Variants in MAML2 observed in about 807,000 individuals in gnomAD.
MAML2 encodes the protein mastermind like transcriptional coactivator 2.
A neutral mutation model predicts 96.1 loss-of-function variants in MAML2; 22 were observed. The ratio of observed to expected loss-of-function variants is 0.23; its 90% CI spans 0.16 to 0.33. The LOEUF (loss-of-function observed/expected upper bound fraction) is 0.33, where lower values mean the gene tolerates loss of function less well. Ranked by LOEUF, MAML2 falls within the 10% of genes least tolerant of loss-of-function variation. MAML2 has a pLI of 1.00. For missense variants in MAML2, 1,367 were observed against 1,392.4 expected (o/e 0.98, Z 0.29); for synonymous variants, 561 against 521.3 (o/e 1.08, Z -1.04).
In MAML2 at chr11:96,326,589, G is replaced by A. The variant is rs1219295132; in HGVS notation, c.513+14794C>T. 5.9e-5 allele frequency among the ~76,000 whole-genome samples: 9 copies of A among 151,954 alleles called. No individual in the cohort carries two copies. In the East Asian group the frequency reaches 1.7e-3, roughly 29 times the overall value. On this transcript the variant is annotated intron_variant, in intron 1 of 4. Transcript: ENST00000524717. The stretch of plus-strand genomic sequence containing the variant: ...AGGCGGGTGGATCACGAGGTCAGGA[G>A]TTCGAGACCAGCCTGGCAAACATGG...
chr11:96,229,190 T>A (rs539157867), intron 1 of MAML2, among the ~76,000 whole-genome samples: 1 of 152,024 alleles, frequency 6.6e-6, no homozygotes, highest in South Asian at 2.1e-4. Context: ...ATTTCTCAGA[T>A]AAGTCAAGAG....
intron 2 of MAML2, among the ~76,000 whole-genome samples, chr11:96,067,038 G>C (rs1859255964): frequency 6.6e-6 from 1 of 152,184 alleles, no homozygotes; most frequent in African/African-American, 2.4e-5. Context: ...GATCTTGTAG[G>C]GCCTGTGAGG....
intron 2 of MAML2, among the ~76,000 whole-genome samples, chr11:96,053,943 G>T (rs990082322): frequency 6.6e-5 from 10 of 152,110 alleles, no homozygotes; most frequent in African/African-American, 2.2e-4. Context: ...AAATGGAGCT[G>T]ACAACTTGGG....
intron 1 of MAML2, among the ~76,000 whole-genome samples, chr11:96,264,466 G>A (rs985612687): frequency 6.6e-5 from 10 of 152,118 alleles, no homozygotes; most frequent in South Asian, 2.1e-4. Context: ...TATGTTTTAC[G>A]GCTGGACTTG....
intron 1 of MAML2, among the ~76,000 whole-genome samples, chr11:96,239,416 A>G (rs1862403651): frequency 1.3e-5 from 2 of 152,222 alleles, no homozygotes; most frequent in African/African-American, 2.4e-5. Flanking sequence ...TAGAAAGCCT[A>G]TGGCTATTTT....
chr11:95,977,238 T>C lies in MAML2; in HGVS notation c.*1710A>G, dbSNP rs1565407410. 1 of 184,882 alleles carries C rather than the reference T, an allele frequency of 5.4e-6. No homozygotes were observed. Among genetic ancestry groups the C allele is most frequent in the Non-Finnish European group, 1.1e-5 (1 of 87,232 alleles). 11.5% of individuals were successfully genotyped at this position (184,882 alleles called of 1,614,324 possible). Reference sequence around the variant, plus strand: ...ATAGTATATTTATTTCACATATGTATAAATATAACCCAAAGAATATGTTTG... The same window carrying C: ...ATAGTATATTTATTTCACATATGTACAAATATAACCCAAAGAATATGTTTG... On this transcript the variant is annotated 3_prime_UTR_variant, in exon 5 of 5. Coordinates refer to ENST00000524717, the MANE Select transcript of MAML2 (RefSeq NM_032427.4).
intron 1 of MAML2, among the ~76,000 whole-genome samples, chr11:96,336,828 G>C (rs1052776763): frequency 6.6e-6 from 1 of 152,112 alleles, no homozygotes; most frequent in Non-Finnish European, 1.5e-5. Context: ...AAACATATTG[G>C]TATTTAAAAA....
chr11:96,269,897 C>T (rs1862891042), intron 1 of MAML2, among the ~76,000 whole-genome samples: 1 of 144,082 alleles, frequency 6.9e-6, no homozygotes, highest in Non-Finnish European at 1.5e-5. Context: ...TTTCTATCCC[C>T]TTGACCTCTA....
At chr11:96,037,236 C>T (rs1374090800) in intron 2 of MAML2, among the ~76,000 whole-genome samples, 1 of 152,086 alleles carries the variant, frequency 6.6e-6, no homozygotes, top group African/African-American at 2.4e-5. Context: ...TGCAGTTTCC[C>T]TGCTGCCTTT....
At chr11:96,116,564 T>A (rs1232028061) in intron 1 of MAML2, among the ~76,000 whole-genome samples, 1 of 152,182 alleles carries the variant, frequency 6.6e-6, no homozygotes, top group African/African-American at 2.4e-5. Flanking sequence ...GGTTTTGTAC[T>A]CAACTGCTAA....
At chr11:96,339,279 C>T (rs1240130787) in intron 1 of MAML2, among the ~76,000 whole-genome samples, 2 of 152,184 alleles carry the variant, frequency 1.3e-5, no homozygotes, top group Non-Finnish European at 2.9e-5. Flanking sequence ...CAGCAGTAAG[C>T]TTTCAGTCGG....
intron 2 of MAML2, among the ~76,000 whole-genome samples, chr11:96,053,624 G>GC (rs1343438488): frequency 1.6e-5 from 2 of 125,042 alleles, no homozygotes; most frequent in African/African-American, 8.0e-5. Flanking sequence ...TTAATGGGAT[G>GC]GGGGGGTGAC....
chr11:96,251,792 C>T (rs182364746), intron 1 of MAML2, among the ~76,000 whole-genome samples: 4,891 of 150,116 alleles, frequency 0.033, 106 homozygotes, highest in South Asian at 0.063. Context: ...AGTGCAGTGA[C>T]GCGATCTTGG....
chr11:96,195,129 C>G (rs182777882), intron 1 of MAML2, among the ~76,000 whole-genome samples: 49 of 152,310 alleles, frequency 3.2e-4, no homozygotes, highest in African/African-American at 1.1e-3. Flanking sequence ...GGCTTTCTTT[C>G]TCCTATTGAC....
chr11:96,286,605 T>C (rs1429584576), intron 1 of MAML2, among the ~76,000 whole-genome samples: 1 of 150,700 alleles, frequency 6.6e-6, no homozygotes, highest in Admixed American at 6.7e-5. Context: ...CAATAAATTC[T>C]AGCTATTATC....
chr11:96,255,865 C>CTTTTTTTTT (rs141609329), intron 1 of MAML2, among the ~76,000 whole-genome samples: 1 of 77,918 alleles, frequency 1.3e-5, no homozygotes, highest in African/African-American at 5.2e-5. Context: ...CCCCCACCGC[C>CTTTTTTTTT]TTTTTTTTTT....
chr11:96,330,078 G>A (rs75167420), intron 1 of MAML2, among the ~76,000 whole-genome samples: 3,287 of 152,296 alleles, frequency 0.022, 42 homozygotes, highest in African/African-American at 0.028. Context: ...AGGCAGATGT[G>A]TTCCATGGAG....
At chr11:95,988,282 G>A (rs1028756233) in intron 3 of MAML2, among the ~76,000 whole-genome samples, 11 of 151,004 alleles carry the variant, frequency 7.3e-5, no homozygotes, top group Non-Finnish European at 1.6e-4. Flanking sequence ...CTTTTGAGAT[G>A]GAATCTCACT....
At chr11:96,220,214 C>T (rs538875148) in intron 1 of MAML2, among the ~76,000 whole-genome samples, 4 of 152,290 alleles carry the variant, frequency 2.6e-5, no homozygotes, top group African/African-American at 7.2e-5. Context: ...GGAACACTGC[C>T]TGTAAACAAA....
Sources: gnomAD v4.1 joint callset for allele counts (sites outside exome capture counted in the v4.1 genomes callset) on GRCh38, gnomAD v4.1.1 for gene constraint, MANE v1.5 for transcripts, NCBI Gene and HGNC (gene_info 2026-07-23, HGNC 2026-07-21) for gene names.